Variants in SS18L1 observed in about 807,000 individuals in gnomAD.
The protein encoded by SS18L1 is calcium-responsive transactivator.
In SS18L1, 32 loss-of-function variants were observed where a neutral mutation model predicts 70.3. The observed-to-expected ratio is 0.46, with a 90% CI of 0.34 to 0.61. The LOEUF is 0.61. Among genes scored for constraint, SS18L1 ranks in the 20% least tolerant of loss-of-function variants. The pLI, the probability that SS18L1 is intolerant of heterozygous loss-of-function variation, is 0.01. For missense variants in SS18L1, 430 were observed against 542.1 expected (o/e 0.79, Z 2.05); for synonymous variants, 237 against 229.7 (o/e 1.03, Z -0.29).
At position 62,161,235 on chromosome 20, in the gene SS18L1, A is replaced by C. The variant is rs999920470; in HGVS notation, c.232-201A>C. Among the ~76,000 whole-genome samples, 1 of 150,450 alleles carries C rather than the reference A, an allele frequency of 6.6e-6. No homozygotes were observed. Among genetic ancestry groups the C allele is most frequent in the African/African-American group, 2.4e-5 (1 of 40,862 alleles). ...AGTAGGGTTGTGAACGCTCACCCAG[A>C]TGCTCACTCTGCCATCTCCATCTGG... is the stretch of plus-strand genomic sequence containing the variant. On this transcript the variant is annotated intron_variant, in intron 3 of 10. Transcript: ENST00000331758. The surrounding 1 kb of genome is among the most constrained non-coding windows in gnomAD (Gnocchi z 4.4).
chr20:62,166,097 G>A (rs1187391281), intron 8 of SS18L1, among the ~76,000 whole-genome samples: 1 of 152,246 alleles, frequency 6.6e-6, no homozygotes, highest in African/African-American at 2.4e-5. Context: ...CACCCTGGCT[G>A]CCCTGAAACC....
intron 1 of SS18L1, among the ~76,000 whole-genome samples, chr20:62,147,110 AAG>A (rs1163250186): frequency 6.6e-6 from 1 of 152,188 alleles, no homozygotes; most frequent in Non-Finnish European, 1.5e-5. Context: ...ATCCCAGAGA[AAG>A]AGAACCATGG....
chr20:62,164,235 A>T lies in SS18L1; in HGVS notation c.812A>T (p.Tyr271Phe). 6.5e-7 allele frequency: 1 copy of T among 1,548,652 alleles called. No individual in the cohort carries two copies. Among genetic ancestry groups the T allele is most frequent in the Non-Finnish European group, 8.7e-7 (1 of 1,146,190 alleles). Residue 271 changes from tyrosine (Y) to phenylalanine (F), a missense_variant, in exon 7 of 11, where the codon TAC (tyrosine) becomes TTC (phenylalanine). Coordinates refer to ENST00000331758, the MANE Select transcript of SS18L1 (RefSeq NM_198935.3). ...GCCGCGGAGCCCATGGGCCAGCAGT[A>T]CTACCCCGACGGTGAGCACTGGCGG... ...QGAAEPMGQQ[Y>F]YPDGHGDYAY...
At chr20:62,160,210 G>C (rs1275569513) in intron 3 of SS18L1, among the ~76,000 whole-genome samples, 1 of 139,218 alleles carries the variant, frequency 7.2e-6, no homozygotes, top group African/African-American at 3.0e-5. Flanking sequence ...TTGAAGGGAG[G>C]GAAGCCCCGG....
chr20:62,143,963 G>C lies in SS18L1; in HGVS notation c.69+74G>C, dbSNP rs1373676834. 3.3e-6 allele frequency: 3 copies of C among 912,136 alleles called. No individual in the cohort carries two copies. In the African/African-American group the frequency reaches 5.4e-5, roughly 17 times the overall value. The allele number at this position is 912,136 out of a possible 1,614,324, so 56.5% of individuals were successfully genotyped here. ...CGCGCGCGGGGACGGGGCGCGGGCA[G>C]CTGGCGGGCGCGGGGCGCGAACAAA... On this transcript the variant is annotated intron_variant, in intron 1 of 10. Coordinates refer to ENST00000331758, the MANE Select transcript of SS18L1 (RefSeq NM_198935.3).
intron 10 of SS18L1, among the ~76,000 whole-genome samples, chr20:62,177,757 CTG>C (rs2057645253): frequency 6.6e-6 from 1 of 152,224 alleles, no homozygotes; most frequent in African/African-American, 2.4e-5. Flanking sequence ...GAGTCTTGCT[CTG>C]TTGCCCAGGC....
At chr20:62,178,424 A>T (rs943993930) in intron 10 of SS18L1, among the ~76,000 whole-genome samples, 4 of 149,742 alleles carry the variant, frequency 2.7e-5, no homozygotes, top group African/African-American at 9.9e-5. Context: ...AAGTGCTGGG[A>T]TTGCAGGCGT....
chr20:62,174,386 A>G lies in SS18L1; in HGVS notation c.1037-131A>G. ...GGTGCCAGGTGTTCTGGAGATTGAC[A>G]AAAGGCTGATGCATTGAGACGGGAA... On this transcript the variant is annotated intron_variant, in intron 9 of 10. Transcript: ENST00000331758. The surrounding 1 kb of genome is among the most constrained non-coding windows in gnomAD (Gnocchi z 4.1). 1 of 1,433,884 alleles carries G rather than the reference A, an allele frequency of 7.0e-7. No individual in the cohort carries two copies. Among genetic ancestry groups the G allele is most frequent in the East Asian group, 2.5e-5 (1 of 40,108 alleles). 88.8% of individuals were successfully genotyped at this position (1,433,884 alleles called of 1,614,324 possible).
At chr20:62,173,310 C>T (rs2057565113) in intron 9 of SS18L1, among the ~76,000 whole-genome samples, 1 of 151,872 alleles carries the variant, frequency 6.6e-6, no homozygotes, top group African/African-American at 2.4e-5. Flanking sequence ...GGAGCAAGAT[C>T]TCAGTTCTCA....
chr20:62,163,353 CAGGAAAATAACG>C, intron 5 of SS18L1, 93 bp from the exon 6 acceptor site: 1 of 1,527,022 alleles, frequency 6.5e-7, no homozygotes, highest in Non-Finnish European at 8.8e-7. Context: ...GTGGGGAGCA[CAGGAAAATAACG>C]AGGAACCCGC....
chr20:62,171,059 G>A, intron 8 of SS18L1, among the ~76,000 whole-genome samples: 1 of 147,666 alleles, frequency 6.8e-6, no homozygotes, highest in South Asian at 2.3e-4. Context: ...CCGCCACCAT[G>A]CCGGGCTAAA....
chr20:62,147,252 G>A (rs1182409980), intron 1 of SS18L1, among the ~76,000 whole-genome samples: 6 of 152,212 alleles, frequency 3.9e-5, no homozygotes, highest in African/African-American at 1.4e-4. Context: ...CCAGGCAGCA[G>A]TGTGTGGGTG....
At chr20:62,171,656 T>C (rs1441871792) in intron 8 of SS18L1, among the ~76,000 whole-genome samples, 3 of 152,246 alleles carry the variant, frequency 2.0e-5, no homozygotes, top group African/African-American at 7.2e-5. Flanking sequence ...GATTGCAGTT[T>C]TAAAATACTT....
At position 62,143,773 on chromosome 20, in the gene SS18L1, C is replaced by G; in HGVS notation, c.-48C>G. ...GAGCGCCTCGGGCCGCCCAGCGCAG[C>G]CGGAGTATCCACCTCGATGACCACG... On this transcript the variant is annotated 5_prime_UTR_variant, in exon 1 of 11. Coordinates refer to ENST00000331758, the MANE Select transcript of SS18L1 (RefSeq NM_198935.3). 7.6e-7 allele frequency: 1 copy of G among 1,323,306 alleles called. No individual in the cohort carries two copies. The highest frequency in any genetic ancestry group is 1.0e-6 in the Non-Finnish European group (1 of 1,004,422). The allele number at this position is 1,323,306 out of a possible 1,614,324, so 82.0% of individuals were successfully genotyped here.
chr20:62,166,231 G>A (rs1442827915), intron 8 of SS18L1, among the ~76,000 whole-genome samples: 6 of 152,226 alleles, frequency 3.9e-5, no homozygotes, highest in African/African-American at 1.4e-4. Context: ...GCGCAACCTC[G>A]TCCGGGAGGG....
intron 10 of SS18L1, among the ~76,000 whole-genome samples, chr20:62,175,793 T>C (rs990244270): frequency 1.3e-5 from 2 of 152,202 alleles, no homozygotes; most frequent in African/African-American, 4.8e-5. Flanking sequence ...CAGGTAGATG[T>C]AGAGAAGCCT....
intron 1 of SS18L1, among the ~76,000 whole-genome samples, chr20:62,157,408 T>C (rs145617480): frequency 2.6e-5 from 4 of 152,322 alleles, no homozygotes; most frequent in African/African-American, 7.2e-5. Flanking sequence ...GCTGCTCAGG[T>C]GTGGCCAGGC....
At chr20:62,157,755 G>A (rs1021189642) in intron 1 of SS18L1, among the ~76,000 whole-genome samples, 7 of 152,302 alleles carry the variant, frequency 4.6e-5, no homozygotes, top group Admixed American at 6.5e-5. Flanking sequence ...TGGGCCTATC[G>A]TGCCGTTCTC....
At position 62,182,375 on chromosome 20, in the gene SS18L1, G is replaced by T; in HGVS notation, c.*3167G>T. On this transcript the variant is annotated 3_prime_UTR_variant, in exon 11 of 11. Coordinates refer to ENST00000331758, the MANE Select transcript of SS18L1 (RefSeq NM_198935.3). ...ATTTGTCTTGTTATTTGTGAGTACA[G>T]TACATTTAAAAAACATCCTTATCGG... is the stretch of plus-strand genomic sequence containing the variant. 4.9e-6 allele frequency: 1 copy of T among 204,594 alleles called. No individual in the cohort carries two copies. Among genetic ancestry groups the T allele is most frequent in the East Asian group, 7.5e-5 (1 of 13,326 alleles). 12.7% of individuals were successfully genotyped at this position (204,594 alleles called of 1,614,324 possible).
Sources: allele counts gnomAD v4.1 joint callset (sites outside exome capture counted in the v4.1 genomes callset), GRCh38; gene constraint gnomAD v4.1.1; non-coding constraint Gnocchi (gnomAD v3.1); transcripts MANE v1.5; gene names NCBI Gene and HGNC (gene_info 2026-07-23, HGNC 2026-07-21).